Variants in LTBP1 observed in about 807,000 individuals in gnomAD.
LTBP1 encodes the protein latent transforming growth factor beta binding protein 1, also known as latent-transforming growth factor beta-binding protein 1.
LTBP1 carries 129 observed loss-of-function variants against 207.6 expected under a neutral mutation model. The ratio of observed to expected loss-of-function variants is 0.62; its 90% CI spans 0.54 to 0.72. LTBP1 has a LOEUF of 0.72. Among genes scored for constraint, LTBP1 ranks in the 30% least tolerant of loss-of-function variants. LTBP1 has a pLI of 0.00. For missense variants in LTBP1, 2,281 were observed against 2,217.2 expected, an observed-to-expected ratio of 1.03 and a Z score of -0.58; for synonymous variants, 963 against 833.7, an observed-to-expected ratio of 1.16 and a Z score of -2.67.
intron 5 of LTBP1, among the ~76,000 whole-genome samples, chr2:33,186,583 C>T (rs1379690374): frequency 6.6e-6 from 1 of 152,142 alleles, no homozygotes; most frequent in Non-Finnish European, 1.5e-5. Context: ...TGTATATACA[C>T]ACTCTTTTCC....
At chr2:33,309,804 C>G (rs963954355) in intron 23 of LTBP1, among the ~76,000 whole-genome samples, 2 of 152,164 alleles carry the variant, frequency 1.3e-5, no homozygotes, top group African/African-American at 4.8e-5. Flanking sequence ...GTCACCTGTA[C>G]TTTACTGTTT....
intron 5 of LTBP1, among the ~76,000 whole-genome samples, chr2:33,149,240 A>AAAAC (rs1558707513): frequency 1.2e-4 from 18 of 144,960 alleles, no homozygotes; most frequent in Admixed American, 7.6e-4. Context: ...AAAAAAAAAA[A>AAAAC]AAAAAAAAAA....
chr2:33,397,547 G>T (rs969670751), intron 33 of LTBP1, among the ~76,000 whole-genome samples: 1 of 108,496 alleles, frequency 9.2e-6, no homozygotes, highest in Non-Finnish European at 1.7e-5. Context: ...TACTCTTGTC[G>T]CCCAGGCTGG....
intron 3 of LTBP1, among the ~76,000 whole-genome samples, chr2:33,050,089 C>T (rs1333112114): frequency 6.6e-6 from 1 of 151,788 alleles, no homozygotes; most frequent in Non-Finnish European, 1.5e-5. Flanking sequence ...AGCGATCTTC[C>T]TGCCTTGGCC....
intron 5 of LTBP1, among the ~76,000 whole-genome samples, chr2:33,182,514 T>C (rs1286082707): frequency 6.6e-6 from 1 of 150,878 alleles, no homozygotes; most frequent in African/African-American, 2.4e-5. Context: ...TACAAAAAAT[T>C]AGCCAGGTGT....
intron 7 of LTBP1, among the ~76,000 whole-genome samples, chr2:33,205,194 G>C (rs1461027234): frequency 6.6e-6 from 1 of 152,198 alleles, no homozygotes; most frequent in African/African-American, 2.4e-5. Flanking sequence ...TTTAGTATCA[G>C]TTTCTCTGAA....
chr2:33,054,010 T>C (rs2076870309), intron 3 of LTBP1, among the ~76,000 whole-genome samples: 1 of 152,214 alleles, frequency 6.6e-6, no homozygotes, highest in Admixed American at 6.5e-5. Flanking sequence ...AGTTGGGACG[T>C]GTGATCTGTG....
chr2:33,094,489 C>T (rs546148290), intron 3 of LTBP1, among the ~76,000 whole-genome samples: 59 of 152,274 alleles, frequency 3.9e-4, no homozygotes, highest in Non-Finnish European at 7.6e-4. Flanking sequence ...GGAGACTGGA[C>T]TAGGTGATTT....
At chr2:32,957,551 T>A (rs462047) in intron 2 of LTBP1, among the ~76,000 whole-genome samples, 47,131 of 151,958 alleles carry the variant, frequency 0.31, 7,705 homozygotes, top group South Asian at 0.38. Flanking sequence ...TTGGGTATGA[T>A]TTGTGGTGCC....
intron 9 of LTBP1, among the ~76,000 whole-genome samples, chr2:33,242,522 T>A (rs2092363964): frequency 6.6e-6 from 1 of 152,102 alleles, no homozygotes; most frequent in African/African-American, 2.4e-5. Flanking sequence ...GAACTCCTCT[T>A]CTTCCTGCCT....
At chr2:33,346,459 G>A (rs1008657192) in intron 25 of LTBP1, among the ~76,000 whole-genome samples, 15 of 152,044 alleles carry the variant, frequency 9.9e-5, no homozygotes, top group East Asian at 7.7e-4. Flanking sequence ...CGAGGCAGGC[G>A]GATCACTTGA....
intron 9 of LTBP1, among the ~76,000 whole-genome samples, chr2:33,231,281 T>C (rs1053302720): frequency 1.3e-5 from 2 of 152,230 alleles, no homozygotes; most frequent in Admixed American, 1.3e-4. Context: ...TCGTTCTGCT[T>C]TAATAAAATA....
At chr2:33,129,101 G>A (rs989670817) in intron 4 of LTBP1, among the ~76,000 whole-genome samples, 1 of 152,218 alleles carries the variant, frequency 6.6e-6, no homozygotes, top group Non-Finnish European at 1.5e-5. Flanking sequence ...AGCCTGGTAT[G>A]GTTCTGGAGC....
intron 2 of LTBP1, among the ~76,000 whole-genome samples, chr2:32,975,485 T>G (rs1220611321): frequency 6.6e-6 from 1 of 151,812 alleles, no homozygotes; most frequent in African/African-American, 2.4e-5. Flanking sequence ...TTTTTCAAGG[T>G]GTTTACTTTC....
intron 5 of LTBP1, among the ~76,000 whole-genome samples, chr2:33,158,124 G>A (rs2084133276): frequency 2.0e-5 from 2 of 98,908 alleles, no homozygotes; most frequent in Admixed American, 1.5e-4. Context: ...CAACAAGAGT[G>A]AAACTCTTGT....
chr2:33,308,574 T>C (rs1175898255), intron 22 of LTBP1, among the ~76,000 whole-genome samples: 1 of 152,234 alleles, frequency 6.6e-6, no homozygotes, highest in Non-Finnish European at 1.5e-5. Flanking sequence ...TATGATATTC[T>C]TTGTCTAAAT....
At chr2:33,027,627 G>C (rs72791767) in intron 3 of LTBP1, among the ~76,000 whole-genome samples, 1 of 152,056 alleles carries the variant, frequency 6.6e-6, no homozygotes, top group African/African-American at 2.4e-5. Context: ...ATGAGGTCAA[G>C]AGATCAAGAC....
chr2:33,027,597 G>A (rs2075483643), intron 3 of LTBP1, among the ~76,000 whole-genome samples: 1 of 152,130 alleles, frequency 6.6e-6, no homozygotes, highest in African/African-American at 2.4e-5. Context: ...AGCACTTTTG[G>A]AGGCCTAGGC....
At chr2:33,229,777 G>A (rs142594041) in intron 9 of LTBP1, among the ~76,000 whole-genome samples, 75 of 152,174 alleles carry the variant, frequency 4.9e-4, no homozygotes, top group African/African-American at 1.6e-3. Flanking sequence ...TAGTCAATTC[G>A]CTGATGGTCT....
Sources: allele counts gnomAD v4.1 joint callset (sites outside exome capture counted in the v4.1 genomes callset), GRCh38; gene constraint gnomAD v4.1.1; transcripts MANE v1.5; gene names NCBI Gene and HGNC (gene_info 2026-07-23, HGNC 2026-07-21).